Variants in C8orf34 observed in about 807,000 individuals in gnomAD.
C8orf34 encodes chromosome 8 open reading frame 34.
Under a neutral mutation model 68.3 loss-of-function variants are expected in C8orf34, and 65 were observed. That is an observed-to-expected ratio of 0.95 (90% CI 0.78 to 1.17). The LOEUF (loss-of-function observed/expected upper bound fraction) is 1.17. Among genes scored for constraint, C8orf34 ranks in the 50% most tolerant of loss-of-function variants. The pLI is 0.00. For missense variants in C8orf34, 664 were observed against 655.4 expected (o/e 1.01, Z -0.14); for synonymous variants, 244 against 241.2 (o/e 1.01, Z -0.11).
At chr8:68,679,952 A>T (rs1332363189) in intron 8 of C8orf34, among the ~76,000 whole-genome samples, 1 of 152,194 alleles carries the variant, frequency 6.6e-6, no homozygotes, top group African/African-American at 2.4e-5. Context: ...TGATTCAAAT[A>T]TAAGGCCTCA....
At chr8:68,687,476 G>A (rs891628354) in intron 8 of C8orf34, among the ~76,000 whole-genome samples, 11 of 151,936 alleles carry the variant, frequency 7.2e-5, no homozygotes, top group Non-Finnish European at 1.3e-4. Context: ...AAAGCCAACT[G>A]ATCTTTGACA....
At chr8:68,443,387 G>T (rs2129626361) in intron 2 of C8orf34, among the ~76,000 whole-genome samples, 1 of 152,018 alleles carries the variant, frequency 6.6e-6, no homozygotes, top group Non-Finnish European at 1.5e-5. Context: ...CTTGATTTTG[G>T]TGAATCTTTT....
chr8:68,623,529 G>T (rs1818448112), intron 7 of C8orf34, among the ~76,000 whole-genome samples: 1 of 152,104 alleles, frequency 6.6e-6, no homozygotes, highest in South Asian at 2.1e-4. Flanking sequence ...GTTGTTTTAT[G>T]GGAGAAAATA....
chr8:68,710,765 C>G (rs531366517), intron 9 of C8orf34, among the ~76,000 whole-genome samples: 1 of 152,280 alleles, frequency 6.6e-6, no homozygotes, highest in African/African-American at 2.4e-5. Context: ...CCTGAGAAAC[C>G]TGAATACTTA....
intron 8 of C8orf34, among the ~76,000 whole-genome samples, chr8:68,646,152 T>C (rs527558585): frequency 6.6e-6 from 1 of 152,266 alleles, no homozygotes; most frequent in East Asian, 1.9e-4. Flanking sequence ...CTGTGGCCCT[T>C]ATGATGGGTG....
chr8:68,800,046 A>C (rs186742938), intron 12 of C8orf34, among the ~76,000 whole-genome samples: 1 of 152,314 alleles, frequency 6.6e-6, no homozygotes, highest in East Asian at 1.9e-4. Context: ...ACAGGGGGTG[A>C]GAAGGAAATA....
chr8:68,736,669 A>C (rs1050558017), intron 10 of C8orf34, among the ~76,000 whole-genome samples: 1 of 152,116 alleles, frequency 6.6e-6, no homozygotes, highest in African/African-American at 2.4e-5. Context: ...GCCCAGTGTC[A>C]AGAAGAAGAG....
intron 7 of C8orf34, among the ~76,000 whole-genome samples, chr8:68,581,647 C>A (rs772022253): frequency 6.6e-6 from 1 of 152,110 alleles, no homozygotes; most frequent in African/African-American, 2.4e-5. Context: ...CTTCTTGAAG[C>A]TTCTGCTATG....
intron 5 of C8orf34, among the ~76,000 whole-genome samples, chr8:68,499,973 A>G (rs1426204048): frequency 6.6e-6 from 1 of 151,886 alleles, no homozygotes; most frequent in Non-Finnish European, 1.5e-5. Context: ...TTCATGTGAG[A>G]TCTGGTTGTT....
chr8:68,457,800 T>C (rs1396709107), intron 3 of C8orf34, among the ~76,000 whole-genome samples: 1 of 152,194 alleles, frequency 6.6e-6, no homozygotes, highest in African/African-American at 2.4e-5. Flanking sequence ...TCTGTCATCT[T>C]CTTCTATAGG....
intron 1 of C8orf34, among the ~76,000 whole-genome samples, chr8:68,371,343 A>G (rs781525389): frequency 4.6e-5 from 7 of 152,188 alleles, no homozygotes; most frequent in African/African-American, 9.7e-5. Context: ...TAATAATTCC[A>G]TAGTTTTGGC....
chr8:68,549,433 G>A lies in C8orf34; in HGVS notation c.1105+16284G>A, dbSNP rs1815992129. Among the ~76,000 whole-genome samples the A allele has an allele frequency of 2.6e-5, 4 of 151,704 alleles. No individual in the cohort carries two copies. The South Asian group carries it at 8.3e-4, about 31-fold the overall frequency. ...ATAGAAATCAGAACAGGTGGGGAGT[G>A]AGGGATTGACTTGATATTAGCATAA... is the stretch of plus-strand genomic sequence containing the variant. On this transcript the variant is annotated intron_variant, in intron 7 of 13. Transcript: ENST00000518698.
rs955796860 is a variant in C8orf34, at chr8:68,687,272, A to G, written c.1242-21722A>G. 1.1e-4 allele frequency among the ~76,000 whole-genome samples: 16 copies of G among 152,240 alleles called. No homozygotes were observed. The East Asian group carries it at 2.5e-3, about 24-fold the overall frequency. ...ACTAGAATAAAAAATCCTAAAATTT[A>G]TATGGAACCAAAAAAAGAGCCTGAA... On this transcript the variant is annotated intron_variant, in intron 8 of 13. Coordinates refer to ENST00000518698, the MANE Select transcript of C8orf34 (RefSeq NM_052958.4).
intron 5 of C8orf34, among the ~76,000 whole-genome samples, chr8:68,492,397 T>A (rs1470724631): frequency 2.0e-5 from 3 of 151,964 alleles, no homozygotes; most frequent in African/African-American, 7.2e-5. Context: ...GCCTGGCTAA[T>A]TTTTTAATTT....
chr8:68,615,589 C>T (rs972296568), intron 7 of C8orf34, among the ~76,000 whole-genome samples: 3 of 152,202 alleles, frequency 2.0e-5, no homozygotes, highest in African/African-American at 7.2e-5. Flanking sequence ...TGATGGATTA[C>T]ATTTATTGAT....
chr8:68,764,176 G>A (rs552824438), intron 10 of C8orf34, among the ~76,000 whole-genome samples: 7 of 152,324 alleles, frequency 4.6e-5, no homozygotes, highest in African/African-American at 1.7e-4. Flanking sequence ...TGCAGGGTGT[G>A]AGGAGAGGGG....
chr8:68,770,358 T>C (rs930350345), intron 10 of C8orf34, among the ~76,000 whole-genome samples: 2 of 152,226 alleles, frequency 1.3e-5, no homozygotes, highest in African/African-American at 4.8e-5. Context: ...TTTTTGTACG[T>C]AATAGTGAAA....
At position 68,577,131 on chromosome 8, in the gene C8orf34, G is replaced by A. The variant is rs140779121; in HGVS notation, c.1105+43982G>A. On this transcript the variant is annotated intron_variant, in intron 7 of 13. Transcript: ENST00000518698. Reference sequence around the variant, plus strand: ...ATACAGACTCTCTTAGCTTTGTGCCGTGGCAGTAACCTAGTCAATGAGGTT... The same window carrying A: ...ATACAGACTCTCTTAGCTTTGTGCCATGGCAGTAACCTAGTCAATGAGGTT... 6.1e-3 allele frequency among the ~76,000 whole-genome samples: 921 copies of A among 151,956 alleles called. 13 individuals are homozygous for A. The highest frequency in any genetic ancestry group is 0.021 in the African/African-American group (861 of 41,474).
chr8:68,574,669 A>G (rs1257310306), intron 7 of C8orf34, among the ~76,000 whole-genome samples: 1 of 152,072 alleles, frequency 6.6e-6, no homozygotes, highest in Non-Finnish European at 1.5e-5. Context: ...TAATGCATGT[A>G]TTTGTCTTCC....
Sources: allele counts gnomAD v4.1 joint callset (sites outside exome capture counted in the v4.1 genomes callset), GRCh38; gene constraint gnomAD v4.1.1; transcripts MANE v1.5; gene names NCBI Gene and HGNC (gene_info 2026-07-23, HGNC 2026-07-21).